Variants in SAMD5 observed in about 807,000 individuals in gnomAD.
SAMD5 encodes sterile alpha motif domain-containing protein 5.
Under a neutral mutation model 11.3 loss-of-function variants are expected in SAMD5, and 13 were observed. The ratio of observed to expected loss-of-function variants is 1.15; its 90% CI spans 0.75 to 1.83. SAMD5 has a LOEUF of 1.83. SAMD5 is among the 40% of genes most tolerant of loss of function. The pLI is 0.00. For missense variants in SAMD5, 255 were observed against 239.1 expected, an observed-to-expected ratio of 1.07 and a Z score of -0.44; for synonymous variants, 129 against 111.3, an observed-to-expected ratio of 1.16 and a Z score of -1.00.
intron 1 of SAMD5, among the ~76,000 whole-genome samples, chr6:147,718,197 T>G (rs1168943352): frequency 6.6e-6 from 1 of 152,184 alleles, no homozygotes; most frequent in Non-Finnish European, 1.5e-5. Context: ...TTTAGTACAT[T>G]GGAAGAGGTA....
chr6:147,864,148 G>A, the SAMD5 span, among the ~76,000 whole-genome samples: 1 of 152,108 alleles, frequency 6.6e-6, no homozygotes, highest in African/African-American at 2.4e-5. Context: ...AGCTGGAGAG[G>A]TTTGCCACCA....
chr6:147,625,650 C>T (rs1378132293), intron 1 of SAMD5, among the ~76,000 whole-genome samples: 1 of 152,168 alleles, frequency 6.6e-6, no homozygotes, highest in Non-Finnish European at 1.5e-5. Context: ...ACTACAGCCC[C>T]ACTCATAGCC....
At chr6:147,839,439 C>G in the SAMD5 span, among the ~76,000 whole-genome samples, 1 of 152,122 alleles carries the variant, frequency 6.6e-6, no homozygotes, top group South Asian at 2.1e-4. Flanking sequence ...AATTCAGAGA[C>G]TTGTCGATTC....
chr6:147,850,654 A>G, the SAMD5 span, among the ~76,000 whole-genome samples: 256 of 152,312 alleles, frequency 1.7e-3, 2 homozygotes, highest in African/African-American at 5.8e-3. Context: ...CCCAAAGTCA[A>G]CAATGGTCTA....
intron 1 of SAMD5, among the ~76,000 whole-genome samples, chr6:147,690,468 T>C (rs1462568801): frequency 6.6e-6 from 1 of 152,080 alleles, no homozygotes; most frequent in Non-Finnish European, 1.5e-5. Flanking sequence ...AAGAAAAGCC[T>C]GGCCAACTTG....
the SAMD5 span, among the ~76,000 whole-genome samples, chr6:147,942,823 CTT>C: frequency 2.2e-4 from 28 of 128,846 alleles, no homozygotes; most frequent in South Asian, 4.8e-4. Context: ...CCCAATGCTT[CTT>C]TTTTTTTTTT....
chr6:147,540,342 C>A (rs1382094013), intron 1 of SAMD5, among the ~76,000 whole-genome samples: 4 of 152,128 alleles, frequency 2.6e-5, no homozygotes, highest in African/African-American at 9.7e-5. Context: ...CAGAAGGAGC[C>A]TAGAGAAGCC....
chr6:147,684,797 A>C (rs2128456541), intron 1 of SAMD5, among the ~76,000 whole-genome samples: 1 of 152,330 alleles, frequency 6.6e-6, no homozygotes, highest in South Asian at 2.1e-4. Flanking sequence ...ACTAAAGCTA[A>C]CTTAATAATC....
chr6:147,825,721 A>C, the SAMD5 span, among the ~76,000 whole-genome samples: 1 of 152,332 alleles, frequency 6.6e-6, no homozygotes, highest in Non-Finnish European at 1.5e-5. Flanking sequence ...TCAAAATTTT[A>C]AAATCCCATA....
At chr6:147,550,610 G>C (rs941609076) in intron 1 of SAMD5, among the ~76,000 whole-genome samples, 4 of 152,156 alleles carry the variant, frequency 2.6e-5, no homozygotes, top group South Asian at 2.1e-4. Flanking sequence ...CAGCAATATA[G>C]ATGGAACTGG....
the SAMD5 span, among the ~76,000 whole-genome samples, chr6:147,864,453 T>C: frequency 2.0e-5 from 3 of 152,204 alleles, no homozygotes; most frequent in Non-Finnish European, 4.4e-5. Flanking sequence ...CTCTGAGCAG[T>C]GCTCCACACA....
chr6:147,789,632 A>G, the SAMD5 span, among the ~76,000 whole-genome samples: 2 of 152,144 alleles, frequency 1.3e-5, no homozygotes, highest in Non-Finnish European at 2.9e-5. Flanking sequence ...TGTTATTATC[A>G]TTACAGTCCA....
chr6:147,900,697 G>A, the SAMD5 span, among the ~76,000 whole-genome samples: 1 of 152,154 alleles, frequency 6.6e-6, no homozygotes, highest in Admixed American at 6.5e-5. Flanking sequence ...TTGAATGTAA[G>A]CAGCTCGCCT....
Position 147,715,040 on chromosome 6 carries a change from A to C in SAMD5, c.163-22277A>C, listed in dbSNP as rs118086567. ...TGTAAATGATGGTTATCTTCTTGGC[A>C]TGAGGTTACAGGAAAGGGTAGAGTT... On this transcript the variant is annotated intron_variant, in intron 1 of 1. Coordinates refer to the SAMD5 transcript ENST00000566741. Among the ~76,000 whole-genome samples, 584 of 152,266 alleles carry C rather than the reference A, an allele frequency of 3.8e-3. 3 individuals are homozygous for C. Among genetic ancestry groups the C allele is most frequent in the Admixed American group, 6.6e-3 (101 of 15,294 alleles).
chr6:147,804,760 T>C, the SAMD5 span, among the ~76,000 whole-genome samples: 1 of 152,216 alleles, frequency 6.6e-6, no homozygotes, highest in Non-Finnish European at 1.5e-5. Context: ...TGTTGAATTT[T>C]TTAGAGCTTA....
the SAMD5 span, among the ~76,000 whole-genome samples, chr6:147,888,427 G>C: frequency 1.3e-5 from 2 of 152,036 alleles, no homozygotes; most frequent in East Asian, 3.9e-4. Context: ...TGGGAAAAGG[G>C]CTGCATTTGC....
At chr6:147,700,591 ATG>A (rs1488917875) in intron 1 of SAMD5, among the ~76,000 whole-genome samples, 1 of 54,176 alleles carries the variant, frequency 1.8e-5, no homozygotes, top group Admixed American at 3.4e-4. Context: ...CCCTGTCCAC[ATG>A]TGTTTTATTT....
the SAMD5 span, among the ~76,000 whole-genome samples, chr6:147,832,628 T>C: frequency 6.6e-6 from 1 of 152,198 alleles, no homozygotes; most frequent in African/African-American, 2.4e-5. Context: ...CCTAGATCAC[T>C]AGGCTATCTG....
At chr6:147,890,799 G>T in the SAMD5 span, among the ~76,000 whole-genome samples, 1 of 151,470 alleles carries the variant, frequency 6.6e-6, no homozygotes, top group Non-Finnish European at 1.5e-5. Flanking sequence ...TTAAAGATTA[G>T]ATGTACATCC....
Sources: allele counts gnomAD v4.1 joint callset (sites outside exome capture counted in the v4.1 genomes callset), GRCh38; gene constraint gnomAD v4.1.1; transcripts MANE v1.5; gene names NCBI Gene and HGNC (gene_info 2026-07-23, HGNC 2026-07-21).